Variants in TBC1D19 observed in about 807,000 individuals in gnomAD.
TBC1D19 encodes TBC1 domain family member 19.
In TBC1D19, 60 loss-of-function variants were observed where a neutral mutation model predicts 89.0. That is an observed-to-expected ratio of 0.67 (90% confidence interval 0.55 to 0.84). The LOEUF (loss-of-function observed/expected upper bound fraction) is 0.84, where lower values mean the gene tolerates loss of function less well. TBC1D19 is among the 40% of genes least tolerant of loss of function. The probability of loss-of-function intolerance (pLI) is 0.00; values close to 1 mark genes in which losing one functional copy is unlikely to be tolerated. For missense variants in TBC1D19, 500 were observed against 610.8 expected (o/e 0.82, Z 1.91); for synonymous variants, 189 against 199.7 (o/e 0.95, Z 0.45).
the TBC1D19 span, among the ~76,000 whole-genome samples, chr4:26,846,107 T>A: frequency 1.3e-5 from 2 of 152,226 alleles, no homozygotes; most frequent in Non-Finnish European, 2.9e-5. Flanking sequence ...TAAGACTGAA[T>A]AATATGACAT....
intron 18 of TBC1D19, among the ~76,000 whole-genome samples, chr4:26,746,220 C>T (rs1718637980): frequency 6.8e-6 from 1 of 147,590 alleles, no homozygotes; most frequent in South Asian, 2.1e-4. Context: ...TCTCACAGGT[C>T]CTTGCAGGTC....
chr4:26,816,797 AC>A, the TBC1D19 span, among the ~76,000 whole-genome samples: 6,511 of 152,268 alleles, frequency 0.043, 186 homozygotes, highest in Admixed American at 0.059. Context: ...ATCATGAAAG[AC>A]AAAGAATGAG....
the TBC1D19 span, among the ~76,000 whole-genome samples, chr4:26,786,912 CA>C: frequency 2.0e-5 from 3 of 152,142 alleles, no homozygotes; most frequent in Admixed American, 2.0e-4. Context: ...GTCAATTAGA[CA>C]AGAGTTGCTC....
the TBC1D19 span, among the ~76,000 whole-genome samples, chr4:26,803,431 G>C: frequency 1.3e-5 from 2 of 152,140 alleles, no homozygotes; most frequent in Non-Finnish European, 2.9e-5. Context: ...ACCATTCCCA[G>C]ATAAATATAA....
At chr4:26,756,773 G>A (rs2109341833), downstream of TBC1D19, among the ~76,000 whole-genome samples, 1 of 152,304 alleles carries the variant, frequency 6.6e-6, no homozygotes, top group African/African-American at 2.4e-5. Context: ...AACTTCATTA[G>A]CATTTCTATC....
intron 17 of TBC1D19, chr4:26,740,556 C>G (rs1016013519): frequency 1.4e-6 from 1 of 707,954 alleles, no homozygotes; most frequent in Non-Finnish European, 1.7e-6. Flanking sequence ...ATATAAGAAT[C>G]AAGGAAAAGC....
chr4:26,796,238 G>A, the TBC1D19 span, among the ~76,000 whole-genome samples: 1 of 152,144 alleles, frequency 6.6e-6, no homozygotes, highest in Non-Finnish European at 1.5e-5. Flanking sequence ...GCTTCCAAAA[G>A]TAGAACTGCT....
intron 19 of TBC1D19, among the ~76,000 whole-genome samples, chr4:26,753,510 T>C (rs1719093951): frequency 6.6e-6 from 1 of 152,204 alleles, no homozygotes; most frequent in Non-Finnish European, 1.5e-5. Context: ...TAGATCTTCA[T>C]GCCATTTTAA....
intron 4 of TBC1D19, among the ~76,000 whole-genome samples, chr4:26,629,150 C>G (rs1435948225): frequency 6.6e-6 from 1 of 152,022 alleles, no homozygotes; most frequent in African/African-American, 2.4e-5. Context: ...GCCACTGCGT[C>G]TATTTGAAAC....
chr4:26,851,307 A>ATCTATCTATCTATCTATCTG, the TBC1D19 span, among the ~76,000 whole-genome samples: 392 of 45,460 alleles, frequency 8.6e-3, 3 homozygotes, highest in East Asian at 0.05. Context: ...TAAATACCCT[A>ATCTATCTATCTATCTATCTG]TCTATCTATC....
chr4:26,603,634 A>C (rs1014214198), intron 1 of TBC1D19, among the ~76,000 whole-genome samples: 2 of 152,196 alleles, frequency 1.3e-5, no homozygotes, highest in Non-Finnish European at 2.9e-5. Context: ...CAGGTGAAAA[A>C]ATCTAGCTGT....
At chr4:26,601,284 C>T (rs912571910) in intron 1 of TBC1D19, among the ~76,000 whole-genome samples, 2 of 152,134 alleles carry the variant, frequency 1.3e-5, no homozygotes, top group Non-Finnish European at 2.9e-5. Flanking sequence ...TGGAAACATA[C>T]AGTATCTGTC....
chr4:26,764,718 G>C, the TBC1D19 span, among the ~76,000 whole-genome samples: 1 of 152,114 alleles, frequency 6.6e-6, no homozygotes, highest in Non-Finnish European at 1.5e-5. Context: ...ATATAACCTA[G>C]AAAAGAAGAG....
the TBC1D19 span, among the ~76,000 whole-genome samples, chr4:26,801,819 G>GT: frequency 6.6e-6 from 1 of 152,084 alleles, no homozygotes; most frequent in Admixed American, 6.5e-5. Context: ...GTGAAAAGAG[G>GT]TTCAAATTCA....
At chr4:26,641,680 A>G (rs938646321) in intron 7 of TBC1D19, among the ~76,000 whole-genome samples, 3 of 152,342 alleles carry the variant, frequency 2.0e-5, no homozygotes, top group African/African-American at 7.2e-5. Context: ...AAAAACCTTG[A>G]AAAAAGATTA....
Position 26,754,973 on chromosome 4 carries a change from A to C in TBC1D19, c.*26A>C. 1.3e-6 allele frequency: 2 copies of C among 1,579,676 alleles called. No homozygotes were observed. Among genetic ancestry groups the C allele is most frequent in the Non-Finnish European group, 1.7e-6 (2 of 1,167,522 alleles). On this transcript the variant is annotated 3_prime_UTR_variant, in exon 21 of 21. Coordinates refer to ENST00000264866, the MANE Select transcript of TBC1D19 (RefSeq NM_018317.4). The stretch of plus-strand genomic sequence containing the variant: ...TCTTCTTCACAGTCACTGGCAACAC[A>C]TCTAGTTTTTCATTAGAAACAAATC...
Position 26,673,826 on chromosome 4 carries a change from A to T in TBC1D19, c.754A>T (p.Ser252Cys). Residue 252 changes from serine (S) to cysteine (C), a missense_variant, in exon 11 of 21, where the codon AGT (serine) becomes TGT (cysteine). By Grantham distance (112) the Ser-to-Cys change is moderately radical. Coordinates refer to ENST00000264866, the MANE Select transcript of TBC1D19 (RefSeq NM_018317.4). ...TGCTCAACAGTACATCAGACAAGGA[A>T]GTCCCACGGCACTGAGAGCTGAATT... The part of the protein sequence containing the change: ...AAAQQYIRQG[S>C]PTALRAELWA... 1 of 1,611,468 alleles carries T rather than the reference A, an allele frequency of 6.2e-7. No homozygotes were observed. The highest frequency in any genetic ancestry group is 8.5e-7 in the Non-Finnish European group (1 of 1,178,274).
chr4:26,645,484 C>G (rs1295372413), intron 7 of TBC1D19, among the ~76,000 whole-genome samples: 1 of 152,218 alleles, frequency 6.6e-6, no homozygotes, highest in Non-Finnish European at 1.5e-5. Context: ...CCCTTCCTTA[C>G]ACCTTATACA....
chr4:26,708,649 T>C (rs1715920566), intron 13 of TBC1D19, among the ~76,000 whole-genome samples: 1 of 152,074 alleles, frequency 6.6e-6, no homozygotes, highest in South Asian at 2.1e-4. Context: ...TATGGCTCTG[T>C]TAACTTCAAT....
Sources: gnomAD v4.1 joint callset for allele counts (sites outside exome capture counted in the v4.1 genomes callset) on GRCh38, gnomAD v4.1.1 for gene constraint, MANE v1.5 for transcripts, NCBI Gene and HGNC (gene_info 2026-07-23, HGNC 2026-07-21) for gene names.